FSTL5: variants seen among roughly 807,000 people sequenced by gnomAD.
FSTL5 encodes the protein follistatin like 5.
In FSTL5, 62 loss-of-function variants were observed where a neutral mutation model predicts 89.1. That is an observed-to-expected ratio of 0.70 (90% confidence interval 0.57 to 0.86). FSTL5 has a LOEUF of 0.86. FSTL5 is among the 40% of genes least tolerant of loss of function. FSTL5 has a pLI of 0.00. For missense variants in FSTL5, 1,057 were observed against 1,001.6 expected, an observed-to-expected ratio of 1.06 and a Z score of -0.75; for synonymous variants, 383 against 346.2, an observed-to-expected ratio of 1.11 and a Z score of -1.18.
intron 3 of FSTL5, among the ~76,000 whole-genome samples, chr4:162,027,627 G>A (rs1737347086): frequency 6.6e-6 from 1 of 152,084 alleles, no homozygotes; most frequent in Admixed American, 6.6e-5. Flanking sequence ...GTCAGCTAAT[G>A]AAATCAGAAA....
At chr4:161,891,837 A>T (rs1200381796) in intron 4 of FSTL5, among the ~76,000 whole-genome samples, 1 of 152,016 alleles carries the variant, frequency 6.6e-6, no homozygotes, top group East Asian at 1.9e-4. Flanking sequence ...AGATCTTATA[A>T]TGCTCATCAA....
intron 11 of FSTL5, among the ~76,000 whole-genome samples, chr4:161,501,737 T>C (rs1435147303): frequency 6.6e-6 from 1 of 151,982 alleles, no homozygotes; most frequent in African/African-American, 2.4e-5. Flanking sequence ...ACGTTTTATA[T>C]AAAATAAAAT....
chr4:161,861,450 AAGAG>A (rs1731914542), intron 4 of FSTL5, among the ~76,000 whole-genome samples: 1 of 152,094 alleles, frequency 6.6e-6, no homozygotes, highest in Non-Finnish European at 1.5e-5. Flanking sequence ...GAAAGAAAGA[AAGAG>A]AAAGAAGGGA....
intron 6 of FSTL5, 64 bp from the exon 7 acceptor site, chr4:161,656,558 A>C (rs1363061350): frequency 1.2e-5 from 12 of 1,011,144 alleles, no homozygotes; most frequent in Non-Finnish European, 1.6e-5. Context: ...ATAGTATAAA[A>C]TTTCTGAATA....
intron 3 of FSTL5, among the ~76,000 whole-genome samples, chr4:161,996,687 T>A (rs1736305592): frequency 6.6e-6 from 1 of 152,246 alleles, no homozygotes; most frequent in Admixed American, 6.5e-5. Context: ...TGGTGTTCAC[T>A]TTTCCCATTT....
chr4:162,009,655 A>C (rs998613214), intron 3 of FSTL5, among the ~76,000 whole-genome samples: 5 of 152,230 alleles, frequency 3.3e-5, no homozygotes, highest in African/African-American at 9.6e-5. Flanking sequence ...ATTAACTCAT[A>C]GACTCGAAGC....
At chr4:161,509,174 G>A (rs1245064183) in intron 11 of FSTL5, among the ~76,000 whole-genome samples, 1 of 152,048 alleles carries the variant, frequency 6.6e-6, no homozygotes, top group Non-Finnish European at 1.5e-5. Flanking sequence ...GTGGTGGCCC[G>A]CTCCTGTAAC....
chr4:161,945,950 T>C (rs1297355870), intron 3 of FSTL5, among the ~76,000 whole-genome samples: 4 of 152,168 alleles, frequency 2.6e-5, no homozygotes, highest in African/African-American at 4.8e-5. Flanking sequence ...AACTTTCTTA[T>C]TATAATTATA....
At chr4:161,743,572 ATTTC>A (rs1740098188) in intron 6 of FSTL5, among the ~76,000 whole-genome samples, 2 of 151,322 alleles carry the variant, frequency 1.3e-5, no homozygotes, top group African/African-American at 4.9e-5. Context: ...TTTTTTTTCT[ATTTC>A]TGAAAAAACA....
rs536029926 is a variant in FSTL5, at chr4:161,986,577, A to G, written c.160+47048T>C. On this transcript the variant is annotated intron_variant, in intron 3 of 15. Transcript: ENST00000306100. ...AAAAAATAAATAATAAAATAGAGGA[A>G]TATGTATATGGATTAAATGCATTTT... 5.9e-5 allele frequency among the ~76,000 whole-genome samples: 9 copies of G among 152,302 alleles called. No individual in the cohort carries two copies. In the East Asian group the frequency reaches 1.7e-3, roughly 29 times the overall value.
chr4:161,634,081 C>A (rs1266386560), intron 7 of FSTL5, among the ~76,000 whole-genome samples: 4 of 152,144 alleles, frequency 2.6e-5, no homozygotes, highest in African/African-American at 4.8e-5. Flanking sequence ...AAGTTAATGT[C>A]CAAACAAAGC....
intron 2 of FSTL5, among the ~76,000 whole-genome samples, chr4:162,050,830 T>C (rs1158951852): frequency 1.3e-5 from 2 of 151,168 alleles, no homozygotes; most frequent in Non-Finnish European, 3.0e-5. Context: ...ATGAAGTTAA[T>C]AAATTAATAA....
chr4:161,728,548 G>A (rs917318130), intron 6 of FSTL5, among the ~76,000 whole-genome samples: 5 of 152,014 alleles, frequency 3.3e-5, no homozygotes, highest in East Asian at 3.9e-4. Flanking sequence ...AGGACCATTC[G>A]AGGGAACATA....
intron 14 of FSTL5, among the ~76,000 whole-genome samples, chr4:161,455,885 T>G (rs1733336161): frequency 6.6e-6 from 1 of 152,156 alleles, no homozygotes; most frequent in Admixed American, 6.6e-5. Context: ...TTTAAATACT[T>G]TCTACATATG....
intron 9 of FSTL5, among the ~76,000 whole-genome samples, chr4:161,539,654 G>A (rs1485135344): frequency 2.0e-5 from 3 of 151,954 alleles, no homozygotes; most frequent in Admixed American, 1.3e-4. Flanking sequence ...AAAGCAGCCA[G>A]GCAATACGTT....
intron 15 of FSTL5, among the ~76,000 whole-genome samples, chr4:161,433,759 C>T (rs934698405): frequency 6.6e-6 from 1 of 151,770 alleles, no homozygotes; most frequent in East Asian, 1.9e-4. Context: ...TTGTATGTGC[C>T]AACAGCAAAC....
At chr4:162,060,710 T>C (rs1206694322) in intron 2 of FSTL5, among the ~76,000 whole-genome samples, 2 of 152,078 alleles carry the variant, frequency 1.3e-5, no homozygotes, top group African/African-American at 4.8e-5. Flanking sequence ...TGCTTGGTTT[T>C]ATAATTTATG....
intron 12 of FSTL5, among the ~76,000 whole-genome samples, chr4:161,497,609 T>C (rs1730126633): frequency 6.8e-6 from 1 of 146,536 alleles, no homozygotes; most frequent in Non-Finnish European, 1.5e-5. Flanking sequence ...GAAACCTTTA[T>C]AAACTTTTTA....
intron 2 of FSTL5, among the ~76,000 whole-genome samples, chr4:162,051,398 C>T (rs1738374573): frequency 6.6e-6 from 1 of 150,834 alleles, no homozygotes; most frequent in African/African-American, 2.4e-5. Context: ...TCACAAAAAA[C>T]AAAAACTTCA....
Sources: gnomAD v4.1 joint callset for allele counts (sites outside exome capture counted in the v4.1 genomes callset) on GRCh38, gnomAD v4.1.1 for gene constraint, MANE v1.5 for transcripts, NCBI Gene and HGNC (gene_info 2026-07-23, HGNC 2026-07-21) for gene names.